OCIAD1: variants seen among roughly 807,000 people sequenced by gnomAD.
The protein encoded by OCIAD1 is OCIA domain containing 1.
In OCIAD1, 29 loss-of-function variants were observed where a neutral mutation model predicts 38.9. The ratio of observed to expected loss-of-function variants is 0.74; its 90% CI spans 0.55 to 1.02. The LOEUF (loss-of-function observed/expected upper bound fraction) is 1.02. OCIAD1 is among the 50% of genes least tolerant of loss of function. The pLI, the probability that OCIAD1 is intolerant of heterozygous loss-of-function variation, is 0.00. For synonymous variants in OCIAD1, 110 were observed against 92.0 expected, an observed-to-expected ratio of 1.20 and a Z score of -1.12; for missense variants, 288 against 289.6, an observed-to-expected ratio of 0.99 and a Z score of 0.04.
chr4:48,833,213 T>A (rs1777677711), intron 2 of OCIAD1, among the ~76,000 whole-genome samples, 188 bp from the exon 3 acceptor site: 1 of 152,136 alleles, frequency 6.6e-6, no homozygotes, highest in South Asian at 2.1e-4. Flanking sequence ...GATCGCGCCA[T>A]TGCACTCCAG....
chr4:48,817,446 G>A (rs559443714), intron 1 of OCIAD1, among the ~76,000 whole-genome samples: 1 of 152,254 alleles, frequency 6.6e-6, no homozygotes, highest in Admixed American at 6.5e-5. Context: ...TTTGCACTCT[G>A]CAGATCAGGA....
rs144466005 is a variant in OCIAD1 at position 48,850,858 on chromosome 4, A to T, written c.377+776A>T. Among the ~76,000 whole-genome samples the T allele has an allele frequency of 7.2e-5, 11 of 152,342 alleles. No individual in the cohort carries two copies. In the East Asian group the frequency reaches 2.1e-3, roughly 29 times the overall value. On this transcript the variant is annotated intron_variant, in intron 6 of 8. Transcript: ENST00000264312. ...CCAAAGTGCTGGGATTACAGGCGTG[A>T]GCCACTGCATCTGGCCTTCATTGTT...
At chr4:48,828,334 T>C (rs557530365), upstream of OCIAD1, among the ~76,000 whole-genome samples, 10 of 152,152 alleles carry the variant, frequency 6.6e-5, no homozygotes, top group Non-Finnish European at 1.5e-4. Flanking sequence ...ACCAATCAGC[T>C]CTCTGTACAA....
upstream of OCIAD1, among the ~76,000 whole-genome samples, chr4:48,830,298 A>G (rs1283816429): frequency 6.6e-6 from 1 of 152,178 alleles, no homozygotes; most frequent in Non-Finnish European, 1.5e-5. Flanking sequence ...GTTAAATGAT[A>G]AAGTGGCAAA....
At chr4:48,832,033 T>C (rs988048087) in intron 1 of OCIAD1, among the ~76,000 whole-genome samples, 2 of 152,240 alleles carry the variant, frequency 1.3e-5, no homozygotes, top group African/African-American at 4.8e-5. Flanking sequence ...TGCATTTTTT[T>C]CTTATATTCT....
chr4:48,842,247 C>T (rs550850091), intron 3 of OCIAD1, among the ~76,000 whole-genome samples: 6 of 152,312 alleles, frequency 3.9e-5, no homozygotes, highest in Non-Finnish European at 8.8e-5. Context: ...AGTCATTACT[C>T]AGTAGTGGTT....
rs375455695 is a variant in OCIAD1 at position 48,839,483 on chromosome 4, T to C, written c.140-3153T>C. On this transcript the variant is annotated intron_variant, in intron 3 of 8. Transcript: ENST00000264312. ...GGACTCTGAGGCCTGATTGGCTGGA[T>C]TCAAATCCCAGCTCCACACACAGTA... 1.9e-4 allele frequency among the ~76,000 whole-genome samples: 29 copies of C among 151,200 alleles called. No homozygotes were observed. In the East Asian group the frequency reaches 2.5e-3, roughly 13 times the overall value.
intron 8 of OCIAD1, 122 bp downstream of exon 8, chr4:48,857,487 TA>T (rs1302572279): frequency 1.9e-6 from 1 of 530,936 alleles, no homozygotes; most frequent in Non-Finnish European, 3.0e-6. Flanking sequence ...TTAACCAAAG[TA>T]AAATATTTTT....
chr4:48,808,377 G>T (rs555180405), intron 1 of OCIAD1, among the ~76,000 whole-genome samples: 2 of 152,110 alleles, frequency 1.3e-5, no homozygotes, highest in Admixed American at 1.3e-4. Flanking sequence ...AGCTGAGGTG[G>T]TTCAACTACC....
At chr4:48,849,859 C>T (rs1307503092) in intron 5 of OCIAD1, 88 bp from the exon 6 acceptor site, 17 of 1,113,852 alleles carry the variant, frequency 1.5e-5, no homozygotes, top group Non-Finnish European at 2.2e-5. Context: ...TATTTAGAAT[C>T]ACACTTTAAA....
upstream of OCIAD1, among the ~76,000 whole-genome samples, chr4:48,829,235 A>C (rs59804982): frequency 6.6e-6 from 1 of 152,036 alleles, no homozygotes; most frequent in Non-Finnish European, 1.5e-5. Context: ...ACTACGGTCT[A>C]GACAATAGAG....
At chr4:48,821,761 G>A (rs1777196882) in intron 1 of OCIAD1, among the ~76,000 whole-genome samples, 1 of 152,112 alleles carries the variant, frequency 6.6e-6, no homozygotes, top group South Asian at 2.1e-4. Flanking sequence ...TAGACAAGCA[G>A]ATAGCTAAAT....
At chr4:48,818,903 C>T (rs1777166150) in intron 1 of OCIAD1, among the ~76,000 whole-genome samples, 1 of 151,898 alleles carries the variant, frequency 6.6e-6, no homozygotes, top group Non-Finnish European at 1.5e-5. Flanking sequence ...TGAAAAAAAC[C>T]TTCAAGAAAT....
At chr4:48,814,655 C>G (rs190175730) in intron 1 of OCIAD1, among the ~76,000 whole-genome samples, 1 of 152,210 alleles carries the variant, frequency 6.6e-6, no homozygotes, top group African/African-American at 2.4e-5. Context: ...GGGAATGGTT[C>G]TAAATTAACA....
chr4:48,859,434 CTAT>C (rs1377258066), intron 8 of OCIAD1, among the ~76,000 whole-genome samples: 1 of 152,002 alleles, frequency 6.6e-6, no homozygotes, highest in Non-Finnish European at 1.5e-5. Context: ...GTAATCTTTT[CTAT>C]TATTGTCTGC....
At chr4:48,860,332 G>A (rs559966390) in intron 8 of OCIAD1, 1 of 144,562 alleles carries the variant, frequency 6.9e-6, no homozygotes, top group East Asian at 2.0e-4. Context: ...TTTTGTATAT[G>A]GCTTAATATG....
intron 1 of OCIAD1, among the ~76,000 whole-genome samples, chr4:48,805,610 GTA>G (rs2109483115): frequency 6.6e-6 from 1 of 151,886 alleles, no homozygotes; most frequent in Non-Finnish European, 1.5e-5. Context: ...CTTGAGCCTG[GTA>G]GTTCAAGACT....
intron 6 of OCIAD1, among the ~76,000 whole-genome samples, chr4:48,851,101 A>G (rs1350941999): frequency 1.3e-5 from 2 of 152,254 alleles, no homozygotes; most frequent in Non-Finnish European, 2.9e-5. Context: ...GAGAATTTGT[A>G]TCTGCTTTAG....
chr4:48,806,738 T>G (rs1777027950), intron 1 of OCIAD1, among the ~76,000 whole-genome samples: 1 of 152,152 alleles, frequency 6.6e-6, no homozygotes, highest in East Asian at 1.9e-4. Flanking sequence ...CCCGAGTACC[T>G]GGGACTACAG....
Sources: gnomAD v4.1 joint callset for allele counts (sites outside exome capture counted in the v4.1 genomes callset) on GRCh38, gnomAD v4.1.1 for gene constraint, MANE v1.5 for transcripts, NCBI Gene and HGNC (gene_info 2026-07-23, HGNC 2026-07-21) for gene names.